MYOM1: variants seen among roughly 807,000 people sequenced by gnomAD.
The protein encoded by MYOM1 is myomesin-1.
A neutral mutation model predicts 205.3 loss-of-function variants in MYOM1; 164 were observed. The ratio of observed to expected loss-of-function variants is 0.80; its 90% confidence interval spans 0.70 to 0.91. The LOEUF (loss-of-function observed/expected upper bound fraction) is 0.91. MYOM1 is among the 40% of genes least tolerant of loss of function. The probability of loss-of-function intolerance (pLI) is 0.00; values close to 1 mark genes in which losing one functional copy is unlikely to be tolerated. For synonymous variants in MYOM1, 772 were observed against 789.4 expected, an observed-to-expected ratio of 0.98 and a Z score of 0.37; for missense variants, 2,011 against 2,127.3, an observed-to-expected ratio of 0.95 and a Z score of 1.08.
At chr18:3,146,224 C>A (rs1406068515) in intron 13 of MYOM1, among the ~76,000 whole-genome samples, 1 of 151,888 alleles carries the variant, frequency 6.6e-6, no homozygotes, top group African/African-American at 2.4e-5. Flanking sequence ...CAAGCTCTTT[C>A]AAAAAATTAA....
At chr18:3,096,685 C>T (rs955344788) in intron 25 of MYOM1, among the ~76,000 whole-genome samples, 4 of 152,190 alleles carry the variant, frequency 2.6e-5, no homozygotes, top group East Asian at 1.9e-4. Context: ...TTTATGTATA[C>T]GTGCTTGTGC....
At chr18:3,178,590 C>A (rs915085717) in intron 5 of MYOM1, among the ~76,000 whole-genome samples, 1 of 152,300 alleles carries the variant, frequency 6.6e-6, no homozygotes, top group East Asian at 1.9e-4. Context: ...TACACCCCTC[C>A]GTCCCTAAAG....
chr18:3,188,608 G>C, intron 4 of MYOM1, 140 bp downstream of exon 4: 1 of 948,924 alleles, frequency 1.1e-6, no homozygotes, highest in Non-Finnish European at 1.5e-6. Context: ...CAACCTGGGG[G>C]ACAGAGTGAG....
chr18:3,079,738 T>C (rs1463426274), intron 33 of MYOM1, among the ~76,000 whole-genome samples: 1 of 152,224 alleles, frequency 6.6e-6, no homozygotes, highest in Non-Finnish European at 1.5e-5. Flanking sequence ...TCTATGGCTA[T>C]AAATCAGATT....
intron 26 of MYOM1, among the ~76,000 whole-genome samples, chr18:3,092,249 T>G (rs1243183304): frequency 6.6e-6 from 1 of 152,180 alleles, no homozygotes; most frequent in East Asian, 1.9e-4. Context: ...CAGGCTGGAG[T>G]GCAGTGGTGC....
chr18:3,141,806 G>T (rs2080053290), intron 14 of MYOM1, 133 bp downstream of exon 14: 1 of 1,137,062 alleles, frequency 8.8e-7, no homozygotes, highest in Non-Finnish European at 1.3e-6. Flanking sequence ...GTTCACAGTT[G>T]ATAACAATCT....
At chr18:3,156,063 G>A (rs6506073) in intron 10 of MYOM1, among the ~76,000 whole-genome samples, 42,360 of 152,102 alleles carry the variant, frequency 0.28, 6,534 homozygotes, top group African/African-American at 0.42. Context: ...AGGCACAGCT[G>A]AATTAGTGAA....
At chr18:3,193,033 C>T (rs1380855642) in intron 3 of MYOM1, among the ~76,000 whole-genome samples, 1 of 151,794 alleles carries the variant, frequency 6.6e-6, no homozygotes, top group Non-Finnish European at 1.5e-5. Context: ...CTTTGGGAGG[C>T]CAAGCAGGGA....
chr18:3,226,716 C>T, the MYOM1 span, among the ~76,000 whole-genome samples: 1 of 152,132 alleles, frequency 6.6e-6, no homozygotes, highest in African/African-American at 2.4e-5. The surrounding 1 kb of genome is among the most constrained non-coding windows in gnomAD (Gnocchi z 4.6). Flanking sequence ...CTGGTAGGAG[C>T]GGGATCTCTA....
At chr18:3,244,163 T>C in the MYOM1 span, among the ~76,000 whole-genome samples, 1 of 152,172 alleles carries the variant, frequency 6.6e-6, no homozygotes, top group Non-Finnish European at 1.5e-5. Context: ...ATGCAGTATC[T>C]GTCCCGTTTG....
At chr18:3,081,191 A>C (rs1455453863) in intron 33 of MYOM1, among the ~76,000 whole-genome samples, 1 of 152,188 alleles carries the variant, frequency 6.6e-6, no homozygotes. Flanking sequence ...TGCTATAATA[A>C]ATCTGTTTTA....
At chr18:3,164,483 T>A in intron 9 of MYOM1, 44 bp from the exon 10 acceptor site, 1 of 1,518,186 alleles carries the variant, frequency 6.6e-7, no homozygotes, top group Non-Finnish European at 8.8e-7. Context: ...ATTTTTGTTT[T>A]ATAACTTCCT....
At chr18:3,155,573 A>G (rs1312055770) in intron 10 of MYOM1, among the ~76,000 whole-genome samples, 1 of 152,234 alleles carries the variant, frequency 6.6e-6, no homozygotes, top group East Asian at 1.9e-4. Context: ...TTTCACCTTC[A>G]GCAGGAAGAA....
chr18:3,156,331 AACTCTTAT>A (rs1381169601), intron 10 of MYOM1, among the ~76,000 whole-genome samples: 2 of 152,202 alleles, frequency 1.3e-5, no homozygotes, highest in Non-Finnish European at 2.9e-5. Flanking sequence ...TACATTCTGT[AACTCTTAT>A]GAGTTACAAG....
intron 17 of MYOM1, 31 bp downstream of exon 17, chr18:3,131,344 T>A (rs555898385): frequency 1.2e-6 from 2 of 1,607,388 alleles, no homozygotes; most frequent in African/African-American, 2.7e-5. Context: ...AATCCATTTT[T>A]CCCCCATACA....
At chr18:3,117,785 G>A (rs2079627494) in intron 20 of MYOM1, among the ~76,000 whole-genome samples, 1 of 152,074 alleles carries the variant, frequency 6.6e-6, no homozygotes, top group Non-Finnish European at 1.5e-5. Flanking sequence ...TTGGTGTTGT[G>A]TAATTGATAG....
chr18:3,175,914 G>C (rs114845529), intron 6 of MYOM1, 128 bp downstream of exon 6: 9 of 626,922 alleles, frequency 1.4e-5, no homozygotes, highest in Non-Finnish European at 2.3e-5. Context: ...GAGAAGCACC[G>C]TATACGAATG....
At chr18:3,134,889 C>T (rs1451614295) in intron 15 of MYOM1, 65 bp from the exon 16 acceptor site, 3 of 1,451,682 alleles carry the variant, frequency 2.1e-6, no homozygotes, top group Non-Finnish European at 2.9e-6. Flanking sequence ...ATCATCTATG[C>T]ACAAACACAC....
At chr18:3,234,878 T>G in the MYOM1 span, among the ~76,000 whole-genome samples, 1 of 152,222 alleles carries the variant, frequency 6.6e-6, no homozygotes, top group Non-Finnish European at 1.5e-5. Context: ...ATGAAAAATT[T>G]GGTCTCTCTT....
Sources: allele counts gnomAD v4.1 joint callset (sites outside exome capture counted in the v4.1 genomes callset), GRCh38; gene constraint gnomAD v4.1.1; non-coding constraint Gnocchi (gnomAD v3.1); transcripts MANE v1.5; gene names NCBI Gene and HGNC (gene_info 2026-07-23, HGNC 2026-07-21).